Variants in SYT9 observed in about 807,000 individuals in gnomAD.
The protein encoded by SYT9 is synaptotagmin-9.
In SYT9, 22 loss-of-function variants were observed where a neutral mutation model predicts 48.4. The ratio of observed to expected loss-of-function variants is 0.45; its 90% confidence interval spans 0.32 to 0.65. SYT9 has a LOEUF of 0.65. Among genes scored for constraint, SYT9 ranks in the 30% least tolerant of loss-of-function variants. SYT9 has a pLI of 0.03. For missense variants in SYT9, 577 were observed against 622.0 expected, an observed-to-expected ratio of 0.93 and a Z score of 0.77; for synonymous variants, 265 against 245.0, an observed-to-expected ratio of 1.08 and a Z score of -0.76.
chr11:7,402,053 T>C (rs1846904780), intron 3 of SYT9, among the ~76,000 whole-genome samples: 1 of 152,078 alleles, frequency 6.6e-6, no homozygotes, highest in African/African-American at 2.4e-5. Flanking sequence ...TTCCAGTTCA[T>C]TCTAAAATAA....
chr11:7,280,124 C>G (rs1276218641), intron 1 of SYT9, among the ~76,000 whole-genome samples: 1 of 152,248 alleles, frequency 6.6e-6, no homozygotes, highest in African/African-American at 2.4e-5. Context: ...AATATACACG[C>G]ATACGTTTAT....
chr11:7,365,971 C>T (rs1325608279), intron 3 of SYT9, among the ~76,000 whole-genome samples: 1 of 152,256 alleles, frequency 6.6e-6, no homozygotes, highest in Non-Finnish European at 1.5e-5. Flanking sequence ...GCTGATGTAC[C>T]CTATAGCCTT....
At chr11:7,391,815 C>T (rs1451584550) in intron 3 of SYT9, among the ~76,000 whole-genome samples, 2 of 148,370 alleles carry the variant, frequency 1.3e-5, no homozygotes, top group Non-Finnish European at 3.0e-5. Flanking sequence ...ACTCGGGAAC[C>T]TGAGGTGGGA....
At chr11:7,466,417 G>C (rs1234746652) in intron 6 of SYT9, among the ~76,000 whole-genome samples, 1 of 152,036 alleles carries the variant, frequency 6.6e-6, no homozygotes, top group Non-Finnish European at 1.5e-5. Context: ...CACTTGTTTG[G>C]TGCACATTAA....
At chr11:7,266,127 G>A (rs1241904036) in intron 1 of SYT9, among the ~76,000 whole-genome samples, 1 of 151,966 alleles carries the variant, frequency 6.6e-6, no homozygotes, top group Non-Finnish European at 1.5e-5. Flanking sequence ...GTCAATTGTT[G>A]GCATAGCTGA....
intron 1 of SYT9, among the ~76,000 whole-genome samples, chr11:7,286,225 A>C (rs1190734665): frequency 1.3e-5 from 2 of 152,210 alleles, no homozygotes; most frequent in Non-Finnish European, 2.9e-5. Context: ...AGACATTTCC[A>C]TATATCCTCT....
At chr11:7,331,074 A>G (rs1020292633) in intron 3 of SYT9, among the ~76,000 whole-genome samples, 2 of 151,858 alleles carry the variant, frequency 1.3e-5, no homozygotes, top group African/African-American at 4.8e-5. Context: ...CTGGGATTAC[A>G]GGCGTGAGCC....
chr11:7,271,428 T>C (rs745429665), intron 1 of SYT9, among the ~76,000 whole-genome samples: 11 of 152,174 alleles, frequency 7.2e-5, no homozygotes, highest in Non-Finnish European at 8.8e-5. Context: ...CAATCCATTG[T>C]ACCAAGATGT....
At chr11:7,431,878 G>T (rs554352069) in intron 6 of SYT9, among the ~76,000 whole-genome samples, 1 of 152,266 alleles carries the variant, frequency 6.6e-6, no homozygotes, top group African/African-American at 2.4e-5. Flanking sequence ...TTCAGAGGGT[G>T]TATGAGAAAG....
chr11:7,293,091 T>C (rs1848723437), intron 1 of SYT9, among the ~76,000 whole-genome samples: 1 of 152,114 alleles, frequency 6.6e-6, no homozygotes, highest in Non-Finnish European at 1.5e-5. Context: ...GAAGAGGAAC[T>C]GGTCACGCTG....
intron 1 of SYT9, among the ~76,000 whole-genome samples, chr11:7,261,080 G>A (rs1848069808): frequency 6.6e-6 from 1 of 152,182 alleles, no homozygotes; most frequent in Admixed American, 6.5e-5. Flanking sequence ...TGTGTACAGG[G>A]TCTGCCAATT....
In SYT9 at chr11:7,354,281, T is replaced by TA. The variant is rs979568898; in HGVS notation, c.1044+40345dup. Among the ~76,000 whole-genome samples, 138 of 152,324 alleles carry TA rather than the reference T, an allele frequency of 9.1e-4. 1 individual carries two copies. Among genetic ancestry groups the TA allele is most frequent in the African/African-American group, 3.0e-3 (125 of 41,578 alleles). ...TATACTCCAGCCATAGTGATCCACA[T>TA]AAAAATCACATCACTCACTTGCTTA... is the stretch of plus-strand genomic sequence containing the variant. On this transcript the variant is annotated intron_variant, in intron 3 of 6. Coordinates refer to ENST00000318881, the MANE Select transcript of SYT9 (RefSeq NM_175733.4).
chr11:7,406,404 T>C (rs941977181), intron 3 of SYT9, among the ~76,000 whole-genome samples: 1 of 152,020 alleles, frequency 6.6e-6, no homozygotes, highest in African/African-American at 2.4e-5. Context: ...CTCCCACATA[T>C]GAGTGAGAAC....
chr11:7,456,019 A>G (rs1451372316), intron 6 of SYT9, among the ~76,000 whole-genome samples: 1 of 152,192 alleles, frequency 6.6e-6, no homozygotes, highest in East Asian at 1.9e-4. Context: ...TCTAGTGAGC[A>G]ATGCCCCATT....
Position 7,313,465 on chromosome 11 carries a change from G to C in SYT9, c.568G>C (p.Glu190Gln). 1.2e-6 allele frequency: 2 copies of C among 1,614,058 alleles called. No individual in the cohort carries two copies. Among genetic ancestry groups the C allele is most frequent in the South Asian group, 1.1e-5 (1 of 91,026 alleles). The change falls in exon 3 of 7, where the codon GAA becomes CAA. Residue 190 changes from glutamate (E) to glutamine (Q), a missense_variant. Physicochemically the swap from Glu to Gln is conservative, Grantham distance 29. Coordinates refer to ENST00000318881, the MANE Select transcript of SYT9 (RefSeq NM_175733.4). ...DFNIQQLQKQ[E>Q]QLTGIGRIKP... ...CAATATCCAGCAGCTTCAAAAACAG[G>C]AACAGTTGACTGGAATTGGTAGAAT...
intron 1 of SYT9, among the ~76,000 whole-genome samples, chr11:7,239,327 T>G (rs1445419314): frequency 6.6e-6 from 1 of 152,174 alleles, no homozygotes; most frequent in African/African-American, 2.4e-5. Context: ...CCCTGGGTGT[T>G]TCATCATCCT....
At chr11:7,290,161 T>C (rs1449094310) in intron 1 of SYT9, among the ~76,000 whole-genome samples, 28 of 152,024 alleles carry the variant, frequency 1.8e-4, no homozygotes, top group Non-Finnish European at 1.5e-5. Context: ...AGGAAAAAAA[T>C]AGGGAAAATT....
intron 3 of SYT9, among the ~76,000 whole-genome samples, chr11:7,390,169 G>A (rs1451070305): frequency 6.6e-6 from 1 of 152,066 alleles, no homozygotes; most frequent in South Asian, 2.1e-4. Context: ...AGTGTGTGAT[G>A]TTCCCCACCC....
intron 1 of SYT9, among the ~76,000 whole-genome samples, chr11:7,271,933 C>G (rs932651592): frequency 2.6e-5 from 4 of 152,134 alleles, no homozygotes; most frequent in African/African-American, 7.2e-5. Context: ...AATGCAGAAG[C>G]TGAGCTGTAA....
Sources: gnomAD v4.1 joint callset for allele counts (sites outside exome capture counted in the v4.1 genomes callset) on GRCh38, gnomAD v4.1.1 for gene constraint, MANE v1.5 for transcripts, NCBI Gene and HGNC (gene_info 2026-07-23, HGNC 2026-07-21) for gene names.